Variants in DLGAP5 observed in about 807,000 individuals in gnomAD.
DLGAP5 encodes DLG associated protein 5.
Under a neutral mutation model 99.6 loss-of-function variants are expected in DLGAP5, and 90 were observed. The observed-to-expected ratio is 0.90, with a 90% confidence interval of 0.76 to 1.08. The LOEUF is 1.08. Ranked by LOEUF, DLGAP5 falls within the 50% of genes least tolerant of loss-of-function variation. DLGAP5 has a pLI of 0.00. For missense variants in DLGAP5, 1,036 were observed against 983.5 expected (o/e 1.05, Z -0.71); for synonymous variants, 311 against 321.3 (o/e 0.97, Z 0.34).
At chr14:55,159,010 T>C (rs1454675009) in intron 13 of DLGAP5, among the ~76,000 whole-genome samples, 1 of 150,706 alleles carries the variant, frequency 6.6e-6, no homozygotes, top group East Asian at 1.9e-4. Flanking sequence ...TAGAAATAAA[T>C]TTAGGGGACA....
chr14:55,178,383 T>A (rs140854247), intron 7 of DLGAP5, among the ~76,000 whole-genome samples: 1 of 152,308 alleles, frequency 6.6e-6, no homozygotes, highest in African/African-American at 2.4e-5. Context: ...ACAAGAGCAA[T>A]ACTTTCAATG....
At chr14:55,178,712 T>C (rs978051223) in intron 7 of DLGAP5, among the ~76,000 whole-genome samples, 1 of 152,224 alleles carries the variant, frequency 6.6e-6, no homozygotes, top group Admixed American at 6.5e-5. Context: ...TTACTAAGAA[T>C]CTAGCCAGGT....
Position 55,150,804 on chromosome 14 carries a change from CAAG to C in DLGAP5, c.2410_2412del (p.Leu804del). The C allele has an allele frequency of 1.3e-6, 2 of 1,573,510 alleles. No individual in the cohort carries two copies. Among genetic ancestry groups the C allele is most frequent in the Non-Finnish European group, 1.7e-6 (2 of 1,167,286 alleles). On this transcript the variant is annotated inframe_deletion, in exon 18 of 19. Coordinates refer to ENST00000247191, the MANE Select transcript of DLGAP5 (RefSeq NM_014750.5). ...TGTCAAGTTGGAAAACTTACTGAAT[CAAG>C]AAGGTGGCATTCAGTAGTGAGACTT...
At chr14:55,149,968 G>A (rs185440258) in intron 18 of DLGAP5, among the ~76,000 whole-genome samples, 11 of 151,394 alleles carry the variant, frequency 7.3e-5, no homozygotes, top group Non-Finnish European at 1.0e-4. Flanking sequence ...CAGGAGAATC[G>A]CTTGAACCCA....
At chr14:55,171,460 G>C (rs2140318885) in intron 10 of DLGAP5, among the ~76,000 whole-genome samples, 1 of 152,298 alleles carries the variant, frequency 6.6e-6, no homozygotes, top group East Asian at 1.9e-4. Context: ...AGTTTAATTT[G>C]TGTCTATGGA....
In DLGAP5 at chr14:55,154,737, G is replaced by C. The variant is rs753319263; in HGVS notation, c.1943C>G (p.Ser648Cys). ...AATGCCCATCTCATTTCTACTCTGA[G>C]ATACAGCTTTGTTGACAGACTTAGG... is the stretch of plus-strand genomic sequence containing the variant. ...GTPKSVNKAV[S>C]QSRNEMGIPQ... The change falls in exon 15 of 19, where the codon TCT becomes TGT. Residue 648 changes from serine (S) to cysteine (C), a missense_variant. Physicochemically the swap from Ser to Cys is moderately radical, Grantham distance 112. Coordinates refer to ENST00000247191, the MANE Select transcript of DLGAP5 (RefSeq NM_014750.5). The C allele has an allele frequency of 4.6e-5, 74 of 1,614,024 alleles. No individual in the cohort carries two copies. The African/African-American group carries it at 9.3e-4, about 20-fold the overall frequency.
chr14:55,183,668 C>G lies in DLGAP5; in HGVS notation c.324G>C (p.Glu108Asp), dbSNP rs771144029. ...TTCCTCGTTTAGCTTTCTCTCTCTG[C>G]TCTTTCAATTTTTGAAGTTGCTTTT... is the stretch of plus-strand genomic sequence containing the variant. ...KEEKQLQKLK[E>D]QREKAKRGIF... Residue 108 changes from glutamate to aspartate, a missense_variant, in exon 3 of 19, where the codon GAG becomes GAC. Transcript: ENST00000247191. 1 of 1,612,776 alleles carries G rather than the reference C, an allele frequency of 6.2e-7. No individual in the cohort carries two copies. Among genetic ancestry groups the G allele is most frequent in the East Asian group, 2.2e-5 (1 of 44,826 alleles).
At chr14:55,182,461 A>C in intron 3 of DLGAP5, 29 bp from the exon 4 acceptor site, 1 of 1,575,170 alleles carries the variant, frequency 6.3e-7, no homozygotes, top group Non-Finnish European at 8.6e-7. Context: ...AGATGAACTT[A>C]AAATATGAAC....
At chr14:55,190,289 T>TACACACACACACAC (rs142940996) in intron 1 of DLGAP5, among the ~76,000 whole-genome samples, 5,092 of 147,364 alleles carry the variant, frequency 0.035, 300 homozygotes, top group African/African-American at 0.11. Context: ...AGAAAAGCCA[T>TACACACACACACAC]ACACACACAC....
intron 10 of DLGAP5, among the ~76,000 whole-genome samples, chr14:55,174,443 G>A (rs952015640): frequency 6.6e-6 from 1 of 152,078 alleles, no homozygotes; most frequent in Non-Finnish European, 1.5e-5. Flanking sequence ...TAAAGTACTT[G>A]ATGTCTGTGA....
intron 4 of DLGAP5, among the ~76,000 whole-genome samples, chr14:55,181,996 C>G (rs2139526789): frequency 6.6e-6 from 1 of 152,334 alleles, no homozygotes; most frequent in South Asian, 2.1e-4. Context: ...GCCCACTTCA[C>G]TTTGTTTTAG....
intron 9 of DLGAP5, 104 bp downstream of exon 9, chr14:55,175,790 G>A: frequency 1.9e-6 from 2 of 1,026,480 alleles, no homozygotes; most frequent in Admixed American, 3.0e-5. Flanking sequence ...AATCTGACAA[G>A]TAATAATCCA....
At chr14:55,183,491 T>A in intron 3 of DLGAP5, 69 bp downstream of exon 3, 2 of 1,319,432 alleles carry the variant, frequency 1.5e-6, no homozygotes, top group South Asian at 1.7e-5. Flanking sequence ...AAGGGGTTAG[T>A]CACTTAATGT....
intron 12 of DLGAP5, among the ~76,000 whole-genome samples, chr14:55,163,368 T>C (rs1031406172): frequency 1.3e-5 from 2 of 152,216 alleles, no homozygotes; most frequent in Admixed American, 6.5e-5. Flanking sequence ...CTAAATGTTG[T>C]TTCTTAAATT....
At chr14:55,150,446 A>G (rs1030826420) in intron 18 of DLGAP5, 3 of 162,788 alleles carry the variant, frequency 1.8e-5, no homozygotes, top group Non-Finnish European at 4.0e-5. Flanking sequence ...TAAATAACCA[A>G]TGATGACTGA....
chr14:55,155,798 A>C (rs1029049252), intron 14 of DLGAP5, among the ~76,000 whole-genome samples: 3 of 152,036 alleles, frequency 2.0e-5, no homozygotes, highest in African/African-American at 7.2e-5. Context: ...CAATCAAGAA[A>C]AATGAATTGG....
At chr14:55,149,818 G>GGC (rs1205587044) in intron 18 of DLGAP5, among the ~76,000 whole-genome samples, 2 of 28,590 alleles carry the variant, frequency 7.0e-5, no homozygotes, top group Middle Eastern at 0.01. Context: ...ATCGGGGCGG[G>GGC]GGGGGGGCAT....
chr14:55,184,642 G>A (rs965262095), intron 2 of DLGAP5, among the ~76,000 whole-genome samples: 4 of 152,104 alleles, frequency 2.6e-5, no homozygotes, highest in South Asian at 2.1e-4. Flanking sequence ...TTGAAGCGTC[G>A]CTTGCTCTGG....
chr14:55,182,146 T>C (rs1449753562), intron 4 of DLGAP5, among the ~76,000 whole-genome samples: 1 of 152,134 alleles, frequency 6.6e-6, no homozygotes, highest in Non-Finnish European at 1.5e-5. Flanking sequence ...AAAACAAGAG[T>C]GTGACACAAA....
Sources: allele counts gnomAD v4.1 joint callset (sites outside exome capture counted in the v4.1 genomes callset), GRCh38; gene constraint gnomAD v4.1.1; transcripts MANE v1.5; gene names NCBI Gene and HGNC (gene_info 2026-07-23, HGNC 2026-07-21).